Variants in TYW1B observed in about 807,000 individuals in gnomAD.
TYW1B encodes tRNA-yW synthesizing protein 1 homolog B.
Under a neutral mutation model 86.9 loss-of-function variants are expected in TYW1B, and 73 were observed. The ratio of observed to expected loss-of-function variants is 0.84; its 90% CI spans 0.70 to 1.02. TYW1B has a LOEUF of 1.02. TYW1B is among the 50% of genes least tolerant of loss of function. The pLI is 0.00. For synonymous variants in TYW1B, 248 were observed against 292.8 expected, an observed-to-expected ratio of 0.85 and a Z score of 1.56; for missense variants, 637 against 827.4, an observed-to-expected ratio of 0.77 and a Z score of 2.82.
At chr7:72,730,681 AGAGGAGGAGG>A (rs1268771849) in intron 8 of TYW1B, among the ~76,000 whole-genome samples, 2 of 151,464 alleles carry the variant, frequency 1.3e-5, no homozygotes, top group African/African-American at 4.9e-5. Context: ...GATAGAGGAG[AGAGGAGGAGG>A]AAGAGCAGGA....
At chr7:72,716,554 C>A (rs1276765939) in intron 9 of TYW1B, among the ~76,000 whole-genome samples, 1 of 152,174 alleles carries the variant, frequency 6.6e-6, no homozygotes, top group Admixed American at 6.6e-5. Context: ...CCCTGATTGA[C>A]TTCAGTAGGG....
In TYW1B at chr7:72,602,569, G is replaced by C. The variant is rs1811690012; in HGVS notation, c.1785+14103C>G. On this transcript the variant is annotated intron_variant, in intron 13 of 13. Transcript: ENST00000620995. The stretch of plus-strand genomic sequence containing the variant: ...CCATTCTCCAATAAACCATGGCTGA[G>C]GCAGAAAATACAGATGCTCCTCAAC... 2.0e-5 allele frequency among the ~76,000 whole-genome samples: 3 copies of C among 152,196 alleles called. No individual in the cohort carries two copies. The South Asian group carries it at 6.2e-4, about 32-fold the overall frequency.
chr7:72,639,253 T>A (rs1393475542), intron 11 of TYW1B, among the ~76,000 whole-genome samples: 3 of 151,606 alleles, frequency 2.0e-5, no homozygotes, highest in Non-Finnish European at 4.4e-5. Flanking sequence ...AAATTTTTTT[T>A]AAATTTTTTG....
rs3750179 is a variant in TYW1B at position 72,616,626 on chromosome 7, C to T, written c.1785+46G>A. The T allele has an allele frequency of 1.2e-4, 193 of 1,613,556 alleles. 2 individuals are homozygous for T. In the East Asian group the frequency reaches 4.1e-3, roughly 35 times the overall value. On this transcript the variant is annotated intron_variant, in intron 13 of 13. Transcript: ENST00000620995. ...ATAAAGAGAGAAGAGAAGGAAAGAACAGCAGGGTCAGGGAACAGAAGATTC... is the reference window on the plus strand; with the variant it reads ...ATAAAGAGAGAAGAGAAGGAAAGAATAGCAGGGTCAGGGAACAGAAGATTC...
intron 12 of TYW1B, among the ~76,000 whole-genome samples, chr7:72,622,718 AAC>A (rs1414608247): frequency 1.3e-4 from 20 of 150,672 alleles, no homozygotes; most frequent in African/African-American, 3.4e-4. Flanking sequence ...GCACACACAC[AAC>A]ACACATACAT....
At chr7:72,706,256 C>T (rs1219319360) in intron 10 of TYW1B, among the ~76,000 whole-genome samples, 1 of 151,778 alleles carries the variant, frequency 6.6e-6, no homozygotes, top group African/African-American at 2.4e-5. Context: ...TGGAGAAACC[C>T]GTCTCTACTA....
chr7:72,813,562 T>A (rs1324094585), intron 3 of TYW1B, among the ~76,000 whole-genome samples: 1 of 152,194 alleles, frequency 6.6e-6, no homozygotes, highest in Admixed American at 6.6e-5. Flanking sequence ...AGACCTGAGA[T>A]TCTGCATTTC....
intron 2 of TYW1B, among the ~76,000 whole-genome samples, chr7:72,826,610 G>T (rs751180701): frequency 1.2e-4 from 19 of 152,004 alleles, no homozygotes; most frequent in African/African-American, 3.6e-4. Flanking sequence ...CATATAAAAG[G>T]TTCACTTTTC....
chr7:72,755,456 A>G (rs1359813644), intron 7 of TYW1B, among the ~76,000 whole-genome samples: 1 of 152,140 alleles, frequency 6.6e-6, no homozygotes. Flanking sequence ...TGGGCAGATC[A>G]TGAGAGTCCA....
rs563157128 is a variant in TYW1B at position 72,668,616 on chromosome 7, G to A, written c.1506+26071C>T. Among the ~76,000 whole-genome samples, 7 of 152,216 alleles carry A rather than the reference G, an allele frequency of 4.6e-5. No homozygotes were observed. The South Asian group carries it at 8.3e-4, about 18-fold the overall frequency. ...AACTGAACTGCTCCACAAGCCACAC[G>A]TGCTTTCCCAAATCGCCAAACTCTG... On this transcript the variant is annotated intron_variant, in intron 11 of 13. Coordinates refer to ENST00000620995, the MANE Select transcript of TYW1B (RefSeq NM_001145440.3).
intron 11 of TYW1B, among the ~76,000 whole-genome samples, chr7:72,653,820 G>T (rs189924377): frequency 2.0e-5 from 3 of 151,902 alleles, no homozygotes; most frequent in African/African-American, 7.3e-5. Context: ...GGTGGCTCAC[G>T]CCTGTGATCC....
At chr7:72,588,618 T>C (rs1811329983) in intron 13 of TYW1B, among the ~76,000 whole-genome samples, 1 of 152,172 alleles carries the variant, frequency 6.6e-6, no homozygotes, top group Admixed American at 6.5e-5. Flanking sequence ...GGCCAGACTC[T>C]CAGAGCTAAT....
In TYW1B at chr7:72,740,982, G is replaced by A. The variant is rs143503251; in HGVS notation, c.1082+3502C>T. Among the ~76,000 whole-genome samples, 4 of 151,952 alleles carry A rather than the reference G, an allele frequency of 2.6e-5. No individual in the cohort carries two copies. In the South Asian group the frequency reaches 6.2e-4, roughly 24 times the overall value. On this transcript the variant is annotated intron_variant, in intron 8 of 13. Transcript: ENST00000620995. ...CCTGATCTCGTGAGCTGCCCACCTC[G>A]GCCTCCCAAAGTGCTGGAATTACAG... is the stretch of plus-strand genomic sequence containing the variant.
At chr7:72,606,539 C>T (rs1323156248) in intron 13 of TYW1B, among the ~76,000 whole-genome samples, 4 of 152,196 alleles carry the variant, frequency 2.6e-5, no homozygotes, top group African/African-American at 9.6e-5. Flanking sequence ...CTCCCCCATA[C>T]ACTCGAGTGG....
At chr7:72,600,418 G>A (rs1811637371) in intron 13 of TYW1B, among the ~76,000 whole-genome samples, 1 of 152,024 alleles carries the variant, frequency 6.6e-6, no homozygotes, top group South Asian at 2.1e-4. Flanking sequence ...TAGCACGGGA[G>A]GAAATCTAGG....
At chr7:72,737,661 T>C (rs1233649323) in intron 8 of TYW1B, among the ~76,000 whole-genome samples, 4 of 152,224 alleles carry the variant, frequency 2.6e-5, no homozygotes, top group Admixed American at 6.5e-5. Context: ...GTGATCCCAA[T>C]ACTTCAGTCT....
At chr7:72,822,573 G>A (rs1183884484) in intron 2 of TYW1B, among the ~76,000 whole-genome samples, 3 of 152,172 alleles carry the variant, frequency 2.0e-5, no homozygotes, top group East Asian at 1.9e-4. Flanking sequence ...ATGAAGCTAC[G>A]CCTTCTGAGG....
At position 72,602,039 on chromosome 7, in the gene TYW1B, T is replaced by C. The variant is rs186418838; in HGVS notation, c.1785+14633A>G. On this transcript the variant is annotated intron_variant, in intron 13 of 13. Transcript: ENST00000620995. ...ATAGCTGAAATGCTGAATCTTAATG[T>C]ATGCAAATTTTTTTAAATGCAGAAG... is the stretch of plus-strand genomic sequence containing the variant. Among the ~76,000 whole-genome samples the C allele has an allele frequency of 9.5e-4, 144 of 152,278 alleles. 3 individuals are homozygous for C. The South Asian group carries it at 0.018, about 19-fold the overall frequency.
chr7:72,787,161 G>GT (rs1788143183), intron 6 of TYW1B, among the ~76,000 whole-genome samples: 1 of 152,044 alleles, frequency 6.6e-6, no homozygotes, highest in Non-Finnish European at 1.5e-5. Context: ...CTAAGAAAAT[G>GT]TATAAGCAAA....
Sources: allele counts gnomAD v4.1 joint callset (sites outside exome capture counted in the v4.1 genomes callset), GRCh38; gene constraint gnomAD v4.1.1; transcripts MANE v1.5; gene names NCBI Gene and HGNC (gene_info 2026-07-23, HGNC 2026-07-21).